The following CSMD2 variants were observed in gnomAD, a reference collection of about 807,000 sequenced individuals.
CSMD2 encodes the protein CUB and sushi domain-containing protein 2.
In CSMD2, 130 loss-of-function variants were observed where a neutral mutation model predicts 398.5. The ratio of observed to expected loss-of-function variants is 0.33; its 90% CI spans 0.28 to 0.38. The LOEUF (loss-of-function observed/expected upper bound fraction) is 0.38, where lower values mean the gene tolerates loss of function less well. Among genes scored for constraint, CSMD2 ranks in the 10% least tolerant of loss-of-function variants. CSMD2 has a pLI of 1.00. For missense variants in CSMD2, 3,829 were observed against 4,764.9 expected, an observed-to-expected ratio of 0.80 and a Z score of 5.78; for synonymous variants, 1,828 against 1,908.5, an observed-to-expected ratio of 0.96 and a Z score of 1.10.
In CSMD2 at chr1:33,962,781, C is replaced by T. The variant is rs532488841; in HGVS notation, c.518-26827G>A. Among the ~76,000 whole-genome samples the T allele has an allele frequency of 9.8e-5, 15 of 152,328 alleles. No homozygotes were observed. In the South Asian group the frequency reaches 2.5e-3, roughly 25 times the overall value. Reference sequence around the variant, plus strand: ...GGTGTGTCCGCAAATGTCTGCTGCTCGGTGAGATCCTCTTTAAAATTGCAT... The same window carrying T: ...GGTGTGTCCGCAAATGTCTGCTGCTTGGTGAGATCCTCTTTAAAATTGCAT... On this transcript the variant is annotated intron_variant, in intron 3 of 70. Coordinates refer to ENST00000373381, the MANE Select transcript of CSMD2 (RefSeq NM_001281956.2).
At chr1:33,620,806 CTTT>C (rs34986869) in intron 37 of CSMD2, among the ~76,000 whole-genome samples, 1 of 91,942 alleles carries the variant, frequency 1.1e-5, no homozygotes, top group African/African-American at 4.5e-5. Context: ...TGTCCTGGGT[CTTT>C]TTTTTTTTTT....
At chr1:33,845,065 A>G (rs570271620) in intron 6 of CSMD2, among the ~76,000 whole-genome samples, 1 of 152,340 alleles carries the variant, frequency 6.6e-6, no homozygotes, top group South Asian at 2.1e-4. Context: ...CTCTACAGAT[A>G]TATGCTTATA....
intron 44 of CSMD2, among the ~76,000 whole-genome samples, chr1:33,589,010 T>C (rs1373276051): frequency 2.0e-5 from 3 of 152,344 alleles, no homozygotes; most frequent in African/African-American, 7.2e-5. Context: ...ATAGATTTAT[T>C]GAAAATGGTG....
intron 3 of CSMD2, among the ~76,000 whole-genome samples, chr1:33,949,243 A>T (rs181407126): frequency 6.6e-6 from 1 of 152,324 alleles, no homozygotes; most frequent in Non-Finnish European, 1.5e-5. Flanking sequence ...TAAGTTTAGG[A>T]TGTGATTACA....
chr1:34,067,962 A>G lies in CSMD2; in HGVS notation c.404+21015T>C, dbSNP rs79357672. 1.1e-3 allele frequency among the ~76,000 whole-genome samples: 162 copies of G among 152,294 alleles called. 1 individual carries two copies. The East Asian group carries it at 0.014, about 13-fold the overall frequency. ...TAAAGAATGACTGACAGAGAGCTACAGCCCCACTGTGCAGATGGCATGTCT... is the reference window on the plus strand; with the variant it reads ...TAAAGAATGACTGACAGAGAGCTACGGCCCCACTGTGCAGATGGCATGTCT... On this transcript the variant is annotated intron_variant, in intron 2 of 70. Coordinates refer to ENST00000373381, the MANE Select transcript of CSMD2 (RefSeq NM_001281956.2).
Position 33,846,999 on chromosome 1 carries a change from G to A in CSMD2, c.921-3C>T. The A allele has an allele frequency of 6.2e-7, 1 of 1,604,820 alleles. No homozygotes were observed. Among genetic ancestry groups the A allele is most frequent in the Non-Finnish European group, 8.5e-7 (1 of 1,173,964 alleles). On this transcript the variant is annotated splice_polypyrimidine_tract_variant and splice_region_variant and intron_variant, in intron 5 of 70. Coordinates refer to ENST00000373381, the MANE Select transcript of CSMD2 (RefSeq NM_001281956.2). Reference sequence around the variant, plus strand: ...CTGGGAGGCTGGCTCCGGTGAACCTGTGGGAACAGGAAGCAGATGGGCTCA... The same window carrying A: ...CTGGGAGGCTGGCTCCGGTGAACCTATGGGAACAGGAAGCAGATGGGCTCA...
At chr1:34,112,038 C>T (rs550937372) in intron 1 of CSMD2, among the ~76,000 whole-genome samples, 3 of 151,672 alleles carry the variant, frequency 2.0e-5, no homozygotes, top group Non-Finnish European at 2.9e-5. Context: ...CTTTCTCTCT[C>T]GCAGTTTGAA....
chr1:33,655,072 T>C (rs533634595), intron 27 of CSMD2, among the ~76,000 whole-genome samples: 1 of 152,374 alleles, frequency 6.6e-6, no homozygotes, highest in South Asian at 2.1e-4. Flanking sequence ...AGGCTCCTAC[T>C]GCTCAGGGTT....
chr1:33,520,101 GCTGCCCGCCTGCC>G (rs1654131579), intron 68 of CSMD2, 151 bp from the exon 69 acceptor site: 20 of 840,498 alleles, frequency 2.4e-5, no homozygotes, highest in Non-Finnish European at 3.7e-5. Flanking sequence ...TGTGCCCAGG[GCTGCCCGCCTGCC>G]TCCACGTGCA....
rs1053074308 is a variant in CSMD2, at chr1:33,594,527, G to T, written c.6856+6338C>A. On this transcript the variant is annotated intron_variant, in intron 44 of 70. Transcript: ENST00000373381. ...TTTTATTTCTCTTGGTATCCAGAGAGCTCCTTTATATACACAGGTTTTCTT... is the reference window on the plus strand; with the variant it reads ...TTTTATTTCTCTTGGTATCCAGAGATCTCCTTTATATACACAGGTTTTCTT... 5.3e-5 allele frequency among the ~76,000 whole-genome samples: 8 copies of T among 152,272 alleles called. No individual in the cohort carries two copies. In the East Asian group the frequency reaches 1.5e-3, roughly 29 times the overall value.
At chr1:34,050,078 G>C (rs1193836094) in intron 2 of CSMD2, among the ~76,000 whole-genome samples, 1 of 152,198 alleles carries the variant, frequency 6.6e-6, no homozygotes, top group African/African-American at 2.4e-5. Flanking sequence ...TTAGCCTTCA[G>C]GACAGTTAGA....
chr1:33,833,001 A>C (rs956071713), intron 6 of CSMD2, among the ~76,000 whole-genome samples: 1 of 150,588 alleles, frequency 6.6e-6, no homozygotes, highest in African/African-American at 2.4e-5. Flanking sequence ...AAATTGTGGC[A>C]ATAATCAATA....
intron 5 of CSMD2, among the ~76,000 whole-genome samples, chr1:33,895,717 GA>G (rs935794276): frequency 6.6e-6 from 1 of 152,200 alleles, no homozygotes; most frequent in African/African-American, 2.4e-5. Context: ...GAAAGGCTGA[GA>G]GGGGGATGCC....
chr1:34,153,884 G>A (rs1367366312), intron 1 of CSMD2, among the ~76,000 whole-genome samples: 1 of 152,176 alleles, frequency 6.6e-6, no homozygotes, highest in Non-Finnish European at 1.5e-5. Context: ...CAAAAACACT[G>A]ATGGATCTGA....
At chr1:33,966,367 C>T (rs374047221) in intron 3 of CSMD2, among the ~76,000 whole-genome samples, 11 of 152,278 alleles carry the variant, frequency 7.2e-5, no homozygotes, top group South Asian at 4.1e-4. Context: ...TGATCCAGGA[C>T]GTAATTCCCA....
chr1:33,740,752 T>G (rs1352168517), intron 14 of CSMD2, among the ~76,000 whole-genome samples: 1 of 152,180 alleles, frequency 6.6e-6, no homozygotes, highest in Non-Finnish European at 1.5e-5. Context: ...AGTCCAGGCA[T>G]TTTTCTTTCA....
At chr1:33,956,717 C>G (rs1248168722) in intron 3 of CSMD2, among the ~76,000 whole-genome samples, 1 of 152,222 alleles carries the variant, frequency 6.6e-6, no homozygotes, top group Non-Finnish European at 1.5e-5. Flanking sequence ...CCTCCGTGGC[C>G]CAAGCCCCAG....
At chr1:33,686,347 G>A (rs1645062139) in intron 25 of CSMD2, among the ~76,000 whole-genome samples, 1 of 152,218 alleles carries the variant, frequency 6.6e-6, no homozygotes, top group Non-Finnish European at 1.5e-5. Context: ...ACACAGGCAA[G>A]GGTGACAGGG....
At chr1:33,871,904 C>T (rs1320805830) in intron 5 of CSMD2, among the ~76,000 whole-genome samples, 2 of 152,168 alleles carry the variant, frequency 1.3e-5, no homozygotes, top group Non-Finnish European at 2.9e-5. Context: ...TCATGCCTGG[C>T]CTCTTCCTGT....
Sources: gnomAD v4.1 joint callset for allele counts (sites outside exome capture counted in the v4.1 genomes callset) on GRCh38, gnomAD v4.1.1 for gene constraint, MANE v1.5 for transcripts, NCBI Gene and HGNC (gene_info 2026-07-23, HGNC 2026-07-21) for gene names.